ARMC2: variants seen among roughly 807,000 people sequenced by gnomAD.
The protein encoded by ARMC2 is armadillo repeat containing 2, also known as armadillo repeat-containing protein 2.
A neutral mutation model predicts 90.3 loss-of-function variants in ARMC2; 67 were observed. The ratio of observed to expected loss-of-function variants is 0.74; its 90% confidence interval spans 0.61 to 0.91. ARMC2 has a LOEUF of 0.91. Ranked by LOEUF, ARMC2 falls within the 40% of genes least tolerant of loss-of-function variation. The pLI, the probability that ARMC2 is intolerant of heterozygous loss-of-function variation, is 0.00. For synonymous variants in ARMC2, 393 were observed against 393.0 expected, an observed-to-expected ratio of 1.00 and a Z score of 0.00; for missense variants, 920 against 1,030.9, an observed-to-expected ratio of 0.89 and a Z score of 1.47.
At chr6:108,860,697 G>A (rs1775145539) in intron 3 of ARMC2, among the ~76,000 whole-genome samples, 3 of 151,662 alleles carry the variant, frequency 2.0e-5, no homozygotes, top group African/African-American at 7.3e-5. Context: ...GTGGCATGTG[G>A]ATTGAGGTTG....
Position 108,907,885 on chromosome 6 carries a change from G to C in ARMC2, c.1024-3014G>C, listed in dbSNP as rs766955089. ...CAACTGACGCTATCTTAGAGTCCTG[G>C]TGTCCGCTGTGTTCTTCTGTTTTCT... On this transcript the variant is annotated intron_variant, in intron 8 of 17. Coordinates refer to ENST00000392644, the MANE Select transcript of ARMC2 (RefSeq NM_032131.6). 8 of 1,603,304 alleles carry C rather than the reference G, an allele frequency of 5.0e-6. No homozygotes were observed. In the Middle Eastern group the frequency reaches 1.6e-3, roughly 316 times the overall value.
In ARMC2 at chr6:108,876,298, C is replaced by G. The variant is rs1240220574; in HGVS notation, c.619C>G (p.Gln207Glu). 2.5e-6 allele frequency: 4 copies of G among 1,612,646 alleles called. No homozygotes were observed. The South Asian group carries it at 4.4e-5, about 18-fold the overall frequency. Residue 207 changes from glutamine to glutamate, a missense_variant, in exon 5 of 18, where the codon CAA becomes GAA. Physicochemically the swap from Gln to Glu is conservative, Grantham distance 29. Transcript: ENST00000392644. The part of the protein sequence containing the change: ...DDGGFSEIKE[Q>E]EMFKGTTSLP... The stretch of plus-strand genomic sequence containing the variant: ...TGGAGGCTTCAGTGAAATAAAGGAG[C>G]AAGAAATGTTCAAAGGAACAACATC...
chr6:108,978,831 T>C (rs1402209191), downstream of ARMC2, among the ~76,000 whole-genome samples: 1 of 152,106 alleles, frequency 6.6e-6, no homozygotes, highest in Non-Finnish European at 1.5e-5. Context: ...GCTTTTTTTT[T>C]TTCTTTCTGT....
At chr6:108,932,528 T>TTTTC (rs1775642642) in intron 11 of ARMC2, among the ~76,000 whole-genome samples, 3 of 131,970 alleles carry the variant, frequency 2.3e-5, no homozygotes, top group African/African-American at 9.0e-5. Flanking sequence ...TTTTTTTTTT[T>TTTTC]TTTTTTTTTT....
intron 3 of ARMC2, among the ~76,000 whole-genome samples, chr6:108,865,698 G>A (rs901005624): frequency 4.6e-5 from 7 of 152,116 alleles, no homozygotes; most frequent in Non-Finnish European, 1.0e-4. Flanking sequence ...GGGGAAATTT[G>A]CTTTCCAAAC....
chr6:108,995,482 T>C, the ARMC2 span, among the ~76,000 whole-genome samples: 3 of 152,180 alleles, frequency 2.0e-5, no homozygotes, highest in Non-Finnish European at 4.4e-5. Context: ...GTGTCACACA[T>C]AGAGTAATGG....
chr6:108,952,766 G>C (rs966617414), intron 12 of ARMC2, among the ~76,000 whole-genome samples: 17 of 152,292 alleles, frequency 1.1e-4, no homozygotes, highest in African/African-American at 3.6e-4. Flanking sequence ...AGAAAGGCGA[G>C]CCAGAATTTA....
chr6:108,990,559 G>A, the ARMC2 span: 10 of 1,166,452 alleles, frequency 8.6e-6, no homozygotes, highest in Admixed American at 3.9e-5. Flanking sequence ...GATTATGTGT[G>A]TGTCTATGTG....
At chr6:108,922,832 C>A (rs1774717512) in intron 10 of ARMC2, 3 of 152,158 alleles carry the variant, frequency 2.0e-5, no homozygotes, top group Admixed American at 2.0e-4. Context: ...AGAAAGTTGT[C>A]AAGTGTAGCT....
chr6:108,890,946 C>T (rs1013530600), intron 5 of ARMC2, among the ~76,000 whole-genome samples: 2 of 149,664 alleles, frequency 1.3e-5, no homozygotes, highest in Non-Finnish European at 3.0e-5. Flanking sequence ...TGATGTGCCC[C>T]TCTCTGTGTT....
chr6:108,960,609 T>C (rs1777925120), intron 13 of ARMC2, among the ~76,000 whole-genome samples: 1 of 151,952 alleles, frequency 6.6e-6, no homozygotes, highest in Non-Finnish European at 1.5e-5. Context: ...ATATATAACA[T>C]CAGGTGGTCA....
At chr6:108,995,044 T>C in the ARMC2 span, among the ~76,000 whole-genome samples, 1 of 152,192 alleles carries the variant, frequency 6.6e-6, no homozygotes, top group African/African-American at 2.4e-5. Flanking sequence ...AATATTCCTA[T>C]AATTTTAATG....
the ARMC2 span, chr6:109,002,404 AAGGAATGG>A: frequency 1.5e-6 from 2 of 1,363,632 alleles, no homozygotes; most frequent in South Asian, 2.4e-5. Context: ...ACTGAGGCTA[AAGGAATGG>A]GAGGGAAAAA....
chr6:108,855,544 C>T (rs1774484770), intron 2 of ARMC2, among the ~76,000 whole-genome samples: 1 of 152,186 alleles, frequency 6.6e-6, no homozygotes, highest in South Asian at 2.1e-4. Context: ...AGCGACCTCG[C>T]CCGGCCAAGT....
chr6:108,852,167 A>G (rs750335862), intron 1 of ARMC2, among the ~76,000 whole-genome samples: 4 of 152,216 alleles, frequency 2.6e-5, no homozygotes, highest in South Asian at 2.1e-4. Context: ...AAAACCATCT[A>G]TAATAATTTG....
the ARMC2 span, among the ~76,000 whole-genome samples, chr6:109,030,297 A>C: frequency 6.6e-6 from 1 of 152,238 alleles, no homozygotes; most frequent in African/African-American, 2.4e-5. Flanking sequence ...CTAGAAAAGA[A>C]TATCAAATAA....
the ARMC2 span, chr6:108,987,763 G>A: frequency 2.1e-6 from 1 of 467,428 alleles, no homozygotes; most frequent in Admixed American, 3.9e-5. Flanking sequence ...ACTTAGCCTT[G>A]GGTTTGTTGA....
chr6:109,020,754 T>C, the ARMC2 span, among the ~76,000 whole-genome samples: 13 of 152,306 alleles, frequency 8.5e-5, no homozygotes, highest in Admixed American at 4.6e-4. Context: ...ACCTGCAATA[T>C]AGACACAAAA....
At chr6:108,982,478 A>C in the ARMC2 span, among the ~76,000 whole-genome samples, 2 of 152,206 alleles carry the variant, frequency 1.3e-5, no homozygotes, top group Non-Finnish European at 2.9e-5. Context: ...GAATGCAAAT[A>C]TTCAGTCCAC....
Sources: allele counts gnomAD v4.1 joint callset (sites outside exome capture counted in the v4.1 genomes callset), GRCh38; gene constraint gnomAD v4.1.1; transcripts MANE v1.5; gene names NCBI Gene and HGNC (gene_info 2026-07-23, HGNC 2026-07-21).